The following WNK3 variants were observed in gnomAD, a reference collection of about 807,000 sequenced individuals.
WNK3 encodes the protein WNK lysine deficient protein kinase 3.
WNK3 carries 18 observed loss-of-function variants against 116.7 expected under a neutral mutation model. That is an observed-to-expected ratio of 0.15 (90% CI 0.11 to 0.23). WNK3 has a LOEUF of 0.23. Among genes scored for constraint, WNK3 ranks in the 10% least tolerant of loss-of-function variants. The probability of loss-of-function intolerance (pLI) is 1.00; values close to 1 mark genes in which losing one functional copy is unlikely to be tolerated. For missense variants in WNK3, 993 were observed against 1,323.8 expected (o/e 0.75, Z 3.88); for synonymous variants, 404 against 469.4 (o/e 0.86, Z 1.80).
At chrX:54,221,436 CAAT>C (rs1308566899) in intron 22 of WNK3, among the ~76,000 whole-genome samples, 11 of 111,764 alleles carry the variant, frequency 9.8e-5, no homozygotes. Context: ...ATGTGTATAA[CAAT>C]AATAGTACAA....
intron 2 of WNK3, among the ~76,000 whole-genome samples, chrX:54,321,983 C>CAA (rs782573142): frequency 0.014 from 859 of 61,147 alleles, 15 homozygotes; most frequent in African/African-American, 0.048. Flanking sequence ...GACTCCATCC[C>CAA]AAAAAAAAAA....
chrX:54,285,597 G>A (rs782529142), intron 10 of WNK3, among the ~76,000 whole-genome samples: 6 of 111,862 alleles, frequency 5.4e-5, no homozygotes, highest in Admixed American at 9.5e-5. Context: ...ACACAGCCGC[G>A]CCTATTTGTT....
intron 10 of WNK3, among the ~76,000 whole-genome samples, chrX:54,268,868 G>GCTAA (rs1396513427): frequency 3.3e-4 from 37 of 111,604 alleles, no homozygotes; most frequent in African/African-American, 1.2e-3. Flanking sequence ...ATAAATGGAT[G>GCTAA]CTAAAACTAG....
At chrX:54,342,381 C>G (rs1403354105) in intron 1 of WNK3, among the ~76,000 whole-genome samples, 1 of 110,835 alleles carries the variant, frequency 9.0e-6, no homozygotes, top group Non-Finnish European at 1.9e-5. Context: ...GCCTAGCCAA[C>G]ATGGTGAAAC....
exon 24 of WNK3, chrX:54,194,526 A>ATAAC (rs782407709): frequency 4.9e-4 from 55 of 111,946 alleles, no homozygotes; most frequent in African/African-American, 1.7e-3. Flanking sequence ...TGTTTATTTT[A>ATAAC]TAACTAACTC....
chrX:54,227,876 CTTATTTTATTTTAT>C (rs1269782648), intron 22 of WNK3, among the ~76,000 whole-genome samples: 3 of 112,012 alleles, frequency 2.7e-5, no homozygotes, highest in Non-Finnish European at 5.6e-5. Context: ...GTAGGCAAAT[CTTATTTTATTTTAT>C]TTATTTTATT....
chrX:54,225,640 AAG>A (rs1184493776), intron 22 of WNK3, among the ~76,000 whole-genome samples: 1 of 109,589 alleles, frequency 9.1e-6, no homozygotes, highest in Non-Finnish European at 1.9e-5. Context: ...AAAAAAAAGA[AAG>A]AAAGAAATTT....
chrX:54,341,323 G>C (rs1354688044), intron 1 of WNK3, among the ~76,000 whole-genome samples: 1 of 110,749 alleles, frequency 9.0e-6, no homozygotes, highest in Non-Finnish European at 1.9e-5. Flanking sequence ...CTTGAACCCA[G>C]GGGGCAGAGG....
intron 1 of WNK3, among the ~76,000 whole-genome samples, chrX:54,341,228 C>G (rs2069318000): frequency 1.8e-5 from 2 of 110,607 alleles, no homozygotes; most frequent in African/African-American, 3.3e-5. Context: ...GAAACCCCAT[C>G]TCTACTAAAA....
intron 20 of WNK3, among the ~76,000 whole-genome samples, chrX:54,235,764 T>G (rs1205050230): frequency 8.9e-6 from 1 of 111,992 alleles, no homozygotes; most frequent in Non-Finnish European, 1.9e-5. Context: ...GGCTAGTAAT[T>G]AACTTATGAG....
chrX:54,301,745 T>C, intron 6 of WNK3, 26 bp downstream of exon 6: 2 of 1,160,176 alleles, frequency 1.7e-6, no homozygotes, highest in African/African-American at 1.8e-5. Flanking sequence ...CTTTCAGTTA[T>C]GTCATTTTGC....
chrX:54,233,191 G>A (rs1421196015), intron 20 of WNK3, among the ~76,000 whole-genome samples, 171 bp from the exon 21 acceptor site: 5 of 106,819 alleles, frequency 4.7e-5, no homozygotes, highest in Admixed American at 1.0e-4. Context: ...TTGGGAAGCC[G>A]AGGCAGGAGT....
chrX:54,216,866 A>T (rs1398241551), intron 22 of WNK3, among the ~76,000 whole-genome samples: 1 of 112,140 alleles, frequency 8.9e-6, no homozygotes, highest in African/African-American at 3.2e-5. Flanking sequence ...AATTAAAAAT[A>T]AATAAATAAA....
intron 2 of WNK3, among the ~76,000 whole-genome samples, chrX:54,314,694 G>C (rs1318780470): frequency 9.1e-6 from 1 of 110,303 alleles, no homozygotes; most frequent in Non-Finnish European, 1.9e-5. Flanking sequence ...GCTTGAACCC[G>C]GGAGGTCGAG....
chrX:54,296,602 T>G (rs2068700990), intron 7 of WNK3, among the ~76,000 whole-genome samples: 1 of 111,269 alleles, frequency 9.0e-6, no homozygotes, highest in African/African-American at 3.3e-5. Context: ...GTGTACCAGA[T>G]GTCCAAAATA....
intron 10 of WNK3, among the ~76,000 whole-genome samples, chrX:54,286,929 C>T (rs552424750): frequency 9.4e-6 from 1 of 106,543 alleles, no homozygotes; most frequent in Admixed American, 1.0e-4. Flanking sequence ...AAAAAAAAAG[C>T]AATCAATTCC....
At chrX:54,311,998 A>G (rs555496145) in intron 2 of WNK3, among the ~76,000 whole-genome samples, 2 of 111,204 alleles carry the variant, frequency 1.8e-5, no homozygotes, top group African/African-American at 6.5e-5. Context: ...AAGAACTTCA[A>G]TAAAAATTTG....
At chrX:54,209,798 ACCT>A (rs2067594002) in intron 22 of WNK3, among the ~76,000 whole-genome samples, 1 of 109,968 alleles carries the variant, frequency 9.1e-6, no homozygotes, top group Non-Finnish European at 1.9e-5. Context: ...TGATCTGCTC[ACCT>A]CAGCCTCCCC....
At position 54,255,685 on chromosome X, in the gene WNK3, C is replaced by T. The variant is rs782619192; in HGVS notation, c.2250+55G>A. The T allele has an allele frequency of 2.7e-6, 3 of 1,107,493 alleles. No individual in the cohort carries two copies. The East Asian group carries it at 9.5e-5, about 35-fold the overall frequency. The allele number at this position is 1,107,493 out of a possible 1,213,427, so 91.3% of individuals were successfully genotyped here. A position where few individuals can be genotyped will look rare whatever the true frequency, so the allele number is the denominator to read the frequency against. Reference sequence around the variant, plus strand: ...CTCACTTCTGCAGCACTGCCCCTCTCTGACCCTCCAGACCTCTATATGTAC... The same window carrying T: ...CTCACTTCTGCAGCACTGCCCCTCTTTGACCCTCCAGACCTCTATATGTAC... On this transcript the variant is annotated intron_variant, in intron 12 of 23. Transcript: ENST00000354646.
Sources: gnomAD v4.1 joint callset for allele counts (sites outside exome capture counted in the v4.1 genomes callset) on GRCh38, gnomAD v4.1.1 for gene constraint, MANE v1.5 for transcripts, NCBI Gene and HGNC (gene_info 2026-07-23, HGNC 2026-07-21) for gene names.